The following CNTN4 variants were observed in gnomAD, a reference collection of about 807,000 sequenced individuals.
The protein encoded by CNTN4 is contactin-4.
A neutral mutation model predicts 122.5 loss-of-function variants in CNTN4; 77 were observed. The observed-to-expected ratio is 0.63, with a 90% CI of 0.52 to 0.76. The LOEUF is 0.76. Ranked by LOEUF, CNTN4 falls within the 30% of genes least tolerant of loss-of-function variation. The probability of loss-of-function intolerance (pLI) is 0.00; values close to 1 mark genes in which losing one functional copy is unlikely to be tolerated. For missense variants in CNTN4, 1,256 were observed against 1,259.1 expected, an observed-to-expected ratio of 1.00 and a Z score of 0.04; for synonymous variants, 512 against 447.0, an observed-to-expected ratio of 1.15 and a Z score of -1.83.
At chr3:2,676,213 C>G (rs1332397581) in intron 4 of CNTN4, among the ~76,000 whole-genome samples, 1 of 151,924 alleles carries the variant, frequency 6.6e-6, no homozygotes, top group East Asian at 1.9e-4. Context: ...ATGTAACCGA[C>G]TGAGTGGTTT....
Position 2,728,241 on chromosome 3 carries a change from T to A in CNTN4, c.56-7974T>A, listed in dbSNP as rs191119251. Among the ~76,000 whole-genome samples the A allele has an allele frequency of 2.6e-3, 402 of 152,360 alleles. 1 individual carries two copies. Among genetic ancestry groups the A allele is most frequent in the Non-Finnish European group, 4.8e-3 (326 of 68,026 alleles). ...TTTGTTTGTGAATTTCCTTAGGTTATTGCCCATACGTTTTATGAGTAATTT... is the reference window on the plus strand; with the variant it reads ...TTTGTTTGTGAATTTCCTTAGGTTAATGCCCATACGTTTTATGAGTAATTT... On this transcript the variant is annotated intron_variant, in intron 4 of 24. Transcript: ENST00000418658.
intron 10 of CNTN4, among the ~76,000 whole-genome samples, chr3:2,891,764 C>T (rs1310277190): frequency 6.6e-6 from 1 of 152,144 alleles, no homozygotes; most frequent in African/African-American, 2.4e-5. Context: ...CTTTGTAAGC[C>T]AGGCACAGAG....
At chr3:2,630,256 GA>G (rs1251312905) in intron 4 of CNTN4, among the ~76,000 whole-genome samples, 2 of 152,156 alleles carry the variant, frequency 1.3e-5, no homozygotes, top group Non-Finnish European at 2.9e-5. Flanking sequence ...CCAACATGGT[GA>G]AACCCCATCT....
At chr3:2,524,772 C>CA (rs1286203543) in intron 3 of CNTN4, among the ~76,000 whole-genome samples, 3 of 151,662 alleles carry the variant, frequency 2.0e-5, no homozygotes, top group African/African-American at 7.3e-5. Context: ...TTCTGTTCTG[C>CA]AAAAAAAGAG....
At chr3:2,531,791 T>C (rs2077607090) in intron 3 of CNTN4, among the ~76,000 whole-genome samples, 1 of 152,186 alleles carries the variant, frequency 6.6e-6, no homozygotes, top group Non-Finnish European at 1.5e-5. Context: ...GAGAGGCTAA[T>C]GCATGCAATT....
chr3:2,630,934 C>T (rs1174583274), intron 4 of CNTN4, among the ~76,000 whole-genome samples: 2 of 152,136 alleles, frequency 1.3e-5, no homozygotes, highest in Admixed American at 1.3e-4. Context: ...ATTTTGCTTG[C>T]ATCTTACCAA....
intron 13 of CNTN4, among the ~76,000 whole-genome samples, chr3:2,945,680 A>G (rs907053268): frequency 6.6e-6 from 1 of 152,196 alleles, no homozygotes; most frequent in African/African-American, 2.4e-5. Flanking sequence ...CATCAGATCA[A>G]TAAAACCACC....
At chr3:2,134,463 A>G (rs1476644056) in intron 2 of CNTN4, among the ~76,000 whole-genome samples, 3 of 152,188 alleles carry the variant, frequency 2.0e-5, no homozygotes, top group Non-Finnish European at 2.9e-5. Flanking sequence ...GGAATCCTTC[A>G]TTTAGGGAGA....
In CNTN4 at chr3:2,866,830, A is replaced by G. The variant is rs770034746; in HGVS notation, c.533A>G (p.Asn178Ser). The G allele has an allele frequency of 1.2e-6, 2 of 1,614,034 alleles. No individual in the cohort carries two copies. The highest frequency in any genetic ancestry group is 1.3e-5 in the African/African-American group (1 of 75,048). The stretch of plus-strand genomic sequence containing the variant: ...CGCTTTGTTTCTCAAGAGACTGGGA[A>G]TCTGTATATTGCCAAAGTAGAAAAA... ...NRRFVSQETG[N>S]LYIAKVEKSD... The change falls in exon 8 of 25, where the codon AAT (asparagine) becomes AGT (serine). Residue 178 changes from asparagine to serine, a missense_variant. Transcript: ENST00000418658.
intron 3 of CNTN4, among the ~76,000 whole-genome samples, chr3:2,434,352 A>T (rs932106345): frequency 1.3e-5 from 2 of 151,494 alleles, no homozygotes; most frequent in Non-Finnish European, 2.9e-5. Flanking sequence ...TTAAAAACAA[A>T]AAAGAAAGAA....
chr3:2,189,888 G>A (rs1041312799), intron 2 of CNTN4, among the ~76,000 whole-genome samples: 5 of 152,092 alleles, frequency 3.3e-5, no homozygotes, highest in African/African-American at 9.7e-5. Context: ...TGTGATTACC[G>A]GAGGTTATCA....
At chr3:3,048,480 A>G (rs1288394451) in intron 23 of CNTN4, among the ~76,000 whole-genome samples, 2 of 151,468 alleles carry the variant, frequency 1.3e-5, no homozygotes, top group Non-Finnish European at 2.9e-5. Context: ...TTACCAAGGT[A>G]CCAATGAATA....
At chr3:2,969,467 AGTACATG>A (rs1290344314) in intron 13 of CNTN4, among the ~76,000 whole-genome samples, 3 of 152,260 alleles carry the variant, frequency 2.0e-5, no homozygotes, top group Admixed American at 2.0e-4. Context: ...AGCCACCCAA[AGTACATG>A]GTCTGAAAGT....
intron 3 of CNTN4, among the ~76,000 whole-genome samples, chr3:2,459,638 G>C (rs967677128): frequency 6.6e-6 from 1 of 152,070 alleles, no homozygotes; most frequent in African/African-American, 2.4e-5. Flanking sequence ...TGGCCAGGTG[G>C]CAAGCAGAGA....
intron 3 of CNTN4, among the ~76,000 whole-genome samples, chr3:2,402,316 G>A (rs2046886678): frequency 6.6e-6 from 1 of 152,030 alleles, no homozygotes; most frequent in Non-Finnish European, 1.5e-5. Flanking sequence ...ACAAAAATTG[G>A]TGAAATTTTT....
intron 3 of CNTN4, among the ~76,000 whole-genome samples, chr3:2,525,268 G>C (rs1575849753): frequency 6.6e-6 from 1 of 152,006 alleles, no homozygotes. Flanking sequence ...TTTTCCAATT[G>C]AAAATAGGCT....
chr3:2,277,356 T>C (rs1423316158), intron 2 of CNTN4, among the ~76,000 whole-genome samples: 1 of 152,114 alleles, frequency 6.6e-6, no homozygotes, highest in East Asian at 1.9e-4. Context: ...AAATGACTTT[T>C]GAAGTTAAAA....
At chr3:2,387,773 C>G (rs568136208) in intron 3 of CNTN4, among the ~76,000 whole-genome samples, 93 of 152,278 alleles carry the variant, frequency 6.1e-4, no homozygotes, top group Non-Finnish European at 9.7e-4. Context: ...AAGGGATACA[C>G]TTCCATTATT....
chr3:2,406,120 A>G (rs2047027276), intron 3 of CNTN4, among the ~76,000 whole-genome samples: 1 of 152,188 alleles, frequency 6.6e-6, no homozygotes, highest in African/African-American at 2.4e-5. Flanking sequence ...CTTGTGGATG[A>G]AAGTTCAAAA....
Sources: gnomAD v4.1 joint callset for allele counts (sites outside exome capture counted in the v4.1 genomes callset) on GRCh38, gnomAD v4.1.1 for gene constraint, MANE v1.5 for transcripts, NCBI Gene and HGNC (gene_info 2026-07-23, HGNC 2026-07-21) for gene names.